MAGI2: variants seen among roughly 807,000 people sequenced by gnomAD.
MAGI2 encodes the protein membrane-associated guanylate kinase, WW and PDZ domain-containing protein 2.
MAGI2 carries 35 observed loss-of-function variants against 133.3 expected under a neutral mutation model. That is an observed-to-expected ratio of 0.26 (90% CI 0.20 to 0.35). The LOEUF is 0.35. MAGI2 is among the 10% of genes least tolerant of loss of function. The pLI, the probability that MAGI2 is intolerant of heterozygous loss-of-function variation, is 1.00. For missense variants in MAGI2, 1,636 were observed against 1,863.4 expected (o/e 0.88, Z 2.25); for synonymous variants, 729 against 710.6 (o/e 1.03, Z -0.41).
At chr7:78,037,158 G>A (rs903541564) in intron 21 of MAGI2, among the ~76,000 whole-genome samples, 7 of 152,050 alleles carry the variant, frequency 4.6e-5, no homozygotes, top group African/African-American at 9.7e-5. Context: ...TAACATGAGC[G>A]TTGGGCAGAC....
At chr7:79,188,378 T>C (rs540492825) in intron 1 of MAGI2, among the ~76,000 whole-genome samples, 2 of 151,864 alleles carry the variant, frequency 1.3e-5, no homozygotes, top group Non-Finnish European at 2.9e-5. Flanking sequence ...CATGTGGTGT[T>C]TGGTTTTCTG....
intron 3 of MAGI2, among the ~76,000 whole-genome samples, chr7:78,561,786 G>A (rs1800432410): frequency 6.6e-6 from 1 of 152,166 alleles, no homozygotes; most frequent in Admixed American, 6.6e-5. Context: ...TGTATCTGGG[G>A]GATGGCAGGA....
At chr7:78,677,739 C>T (rs996869755) in intron 2 of MAGI2, among the ~76,000 whole-genome samples, 21 of 152,024 alleles carry the variant, frequency 1.4e-4, no homozygotes, top group Admixed American at 9.2e-4. Context: ...TACATAATTT[C>T]GTCCAATCCT....
rs1839255508 is a variant in MAGI2 at position 79,322,421 on chromosome 7, C to G, written c.301+130599G>C. Reference sequence around the variant, plus strand: ...AGTCCAGACTCTGAAGCCAGACTGTCTAGGTCCAAATGCAACTGTTGCCAC... The same window carrying G: ...AGTCCAGACTCTGAAGCCAGACTGTGTAGGTCCAAATGCAACTGTTGCCAC... On this transcript the variant is annotated intron_variant, in intron 1 of 21. Transcript: ENST00000354212. Among the ~76,000 whole-genome samples the G allele has an allele frequency of 1.3e-4, 20 of 152,120 alleles. 1 individual carries two copies. The South Asian group carries it at 4.2e-3, about 32-fold the overall frequency.
At chr7:78,513,860 G>A (rs998887319) in intron 4 of MAGI2, among the ~76,000 whole-genome samples, 6 of 151,984 alleles carry the variant, frequency 3.9e-5, no homozygotes, top group South Asian at 2.1e-4. Flanking sequence ...AGGCTGAGGC[G>A]GGTGGATCAG....
rs914865287 is a variant in MAGI2 at position 78,342,159 on chromosome 7, C to T, written c.1408+1619G>A. Reference sequence around the variant, plus strand: ...AAAGTGGGCAAAGGATATGAACAGACACTTCTCAAAAGAAGACATTTGTGC... The same window carrying T: ...AAAGTGGGCAAAGGATATGAACAGATACTTCTCAAAAGAAGACATTTGTGC... On this transcript the variant is annotated intron_variant, in intron 9 of 21. Transcript: ENST00000354212. Among the ~76,000 whole-genome samples, 14 of 151,892 alleles carry T rather than the reference C, an allele frequency of 9.2e-5. No individual in the cohort carries two copies. The East Asian group carries it at 1.7e-3, about 19-fold the overall frequency.
At chr7:78,626,175 T>A (rs1808320863) in intron 3 of MAGI2, among the ~76,000 whole-genome samples, 1 of 152,192 alleles carries the variant, frequency 6.6e-6, no homozygotes, top group African/African-American at 2.4e-5. Context: ...ATAAAACTAA[T>A]CTTTCAACTT....
At chr7:78,124,726 T>C (rs1820800246) in intron 20 of MAGI2, among the ~76,000 whole-genome samples, 1 of 152,146 alleles carries the variant, frequency 6.6e-6, no homozygotes, top group Non-Finnish European at 1.5e-5. Flanking sequence ...AAGAGACTAA[T>C]ATTTTATATT....
At chr7:79,292,770 C>CAAAAAAAAAAAAAA (rs199933554) in intron 1 of MAGI2, among the ~76,000 whole-genome samples, 3 of 57,396 alleles carry the variant, frequency 5.2e-5, no homozygotes, top group African/African-American at 1.4e-4. Context: ...TCAATTTCTG[C>CAAAAAAAAAAAAAA]AAAAAAAAAA....
chr7:78,719,002 G>A (rs1247850991), intron 2 of MAGI2, among the ~76,000 whole-genome samples: 1 of 152,108 alleles, frequency 6.6e-6, no homozygotes, highest in Non-Finnish European at 1.5e-5. Flanking sequence ...TACAATGAGG[G>A]TTTGTGTGTA....
chr7:79,135,716 A>G (rs1393050624), intron 1 of MAGI2, among the ~76,000 whole-genome samples: 2 of 151,832 alleles, frequency 1.3e-5, no homozygotes, highest in African/African-American at 4.8e-5. Flanking sequence ...GTGGGATGAG[A>G]GATAGCTTGA....
chr7:78,493,843 A>G (rs767511536), intron 5 of MAGI2, among the ~76,000 whole-genome samples: 1 of 140,884 alleles, frequency 7.1e-6, no homozygotes, highest in Non-Finnish European at 1.5e-5. Context: ...CTTAATAAGT[A>G]TGATATTAAA....
chr7:78,455,661 A>G (rs570692488), intron 6 of MAGI2, among the ~76,000 whole-genome samples: 2 of 152,248 alleles, frequency 1.3e-5, no homozygotes, highest in East Asian at 3.9e-4. Flanking sequence ...AATTGTGGCT[A>G]TTGTTAGTAT....
intron 2 of MAGI2, among the ~76,000 whole-genome samples, chr7:78,790,968 C>G (rs1827198145): frequency 6.6e-6 from 1 of 151,978 alleles, no homozygotes. Flanking sequence ...ATGTCTGACT[C>G]CAAATAATAC....
chr7:78,428,443 C>T (rs1450065266), intron 6 of MAGI2, among the ~76,000 whole-genome samples: 1 of 152,108 alleles, frequency 6.6e-6, no homozygotes, highest in East Asian at 1.9e-4. Flanking sequence ...TAGCTATCTT[C>T]TTAGGATAAT....
intron 7 of MAGI2, among the ~76,000 whole-genome samples, chr7:78,357,355 AT>A (rs1323325928): frequency 6.6e-6 from 1 of 152,122 alleles, no homozygotes; most frequent in Non-Finnish European, 1.5e-5. Context: ...AGCTATTAAT[AT>A]TTTTTTCTCT....
At chr7:78,709,945 A>G (rs1050390435) in intron 2 of MAGI2, among the ~76,000 whole-genome samples, 1 of 152,156 alleles carries the variant, frequency 6.6e-6, no homozygotes, top group African/African-American at 2.4e-5. Flanking sequence ...AGGTCAGCAC[A>G]GTCTTTTCAT....
chr7:78,495,442 T>C (rs79549836), intron 5 of MAGI2, among the ~76,000 whole-genome samples: 5,452 of 152,322 alleles, frequency 0.036, 253 homozygotes, highest in African/African-American at 0.1. Flanking sequence ...TTTTACACCA[T>C]AGTCAATAAA....
At chr7:79,239,680 A>G (rs1832233316) in intron 1 of MAGI2, among the ~76,000 whole-genome samples, 1 of 152,182 alleles carries the variant, frequency 6.6e-6, no homozygotes, top group Non-Finnish European at 1.5e-5. Context: ...AAACAATCTC[A>G]CAGAATACCA....
Sources: gnomAD v4.1 joint callset for allele counts (sites outside exome capture counted in the v4.1 genomes callset) on GRCh38, gnomAD v4.1.1 for gene constraint, MANE v1.5 for transcripts, NCBI Gene and HGNC (gene_info 2026-07-23, HGNC 2026-07-21) for gene names.